Variants in MTHFSD observed in about 807,000 individuals in gnomAD.
MTHFSD encodes methenyltetrahydrofolate synthase domain-containing protein.
In MTHFSD, 37 loss-of-function variants were observed where a neutral mutation model predicts 31.1. The observed-to-expected ratio is 1.19, with a 90% CI of 0.91 to 1.56. The LOEUF (loss-of-function observed/expected upper bound fraction) is 1.56. MTHFSD is among the 40% of genes most tolerant of loss of function. The pLI, the probability that MTHFSD is intolerant of heterozygous loss-of-function variation, is 0.00. For synonymous variants in MTHFSD, 221 were observed against 206.9 expected, an observed-to-expected ratio of 1.07 and a Z score of -0.59; for missense variants, 664 against 510.1, an observed-to-expected ratio of 1.30 and a Z score of -2.91.
In MTHFSD at chr16:86,533,582, A is replaced by G. The variant is rs184868398; in HGVS notation, c.682-1101T>C. On this transcript the variant is annotated intron_variant, in intron 7 of 7. Coordinates refer to ENST00000360900, the MANE Select transcript of MTHFSD (RefSeq NM_001159377.2). Reference sequence around the variant, plus strand: ...TTGTTCTACAAGATGAAATAGTTCAACTAGTATCAATGCTCTCATTACATT... The same window carrying G: ...TTGTTCTACAAGATGAAATAGTTCAGCTAGTATCAATGCTCTCATTACATT... The G allele has an allele frequency of 9.8e-5, 15 of 152,336 alleles. No homozygotes were observed. The East Asian group carries it at 2.7e-3, about 27-fold the overall frequency. 9.4% of individuals were successfully genotyped at this position (152,336 alleles called of 1,614,324 possible).
chr16:86,543,085 T>C lies in MTHFSD; in HGVS notation c.443-872A>G, dbSNP rs906845925. 4.6e-5 allele frequency among the ~76,000 whole-genome samples: 7 copies of C among 152,128 alleles called. No individual in the cohort carries two copies. The South Asian group carries it at 1.2e-3, about 27-fold the overall frequency. ...ATGCAGAGAAACAAGAGAAAGAAAA[T>C]TCAACAGAAAAATAGCAAAGGATAT... On this transcript the variant is annotated intron_variant, in intron 5 of 7. Transcript: ENST00000360900.
chr16:86,546,209 A>G (rs1972280404), intron 5 of MTHFSD, among the ~76,000 whole-genome samples: 1 of 152,248 alleles, frequency 6.6e-6, no homozygotes, highest in African/African-American at 2.4e-5. Flanking sequence ...CTGTTTTTCC[A>G]TTTGCTGGAG....
rs546449725 is a variant in MTHFSD, at chr16:86,542,595, T to C, written c.443-382A>G. 5.3e-4 allele frequency: 102 copies of C among 192,668 alleles called. No homozygotes were observed. The highest frequency in any genetic ancestry group is 2.3e-3 in the African/African-American group (99 of 42,326). 11.9% of individuals were successfully genotyped at this position (192,668 alleles called of 1,614,324 possible). ...ACAAATTCCCACTGAAAGCAAAACA[T>C]GTTTAATCAACTTACCTCGGAGGGA... On this transcript the variant is annotated intron_variant, in intron 5 of 7. Coordinates refer to ENST00000360900, the MANE Select transcript of MTHFSD (RefSeq NM_001159377.2). The surrounding 1 kb of genome is among the most constrained non-coding windows in gnomAD (Gnocchi z 4.6).
chr16:86,533,772 G>A (rs1301609845), intron 7 of MTHFSD: 2 of 152,154 alleles, frequency 1.3e-5, no homozygotes, highest in East Asian at 3.9e-4. Flanking sequence ...ACTACAAGAA[G>A]TACACAGGCC....
chr16:86,542,865 C>T lies in MTHFSD; in HGVS notation c.443-652G>A, dbSNP rs1434364868. 1.3e-5 allele frequency among the ~76,000 whole-genome samples: 2 copies of T among 152,206 alleles called. No individual in the cohort carries two copies. On this transcript the variant is annotated intron_variant, in intron 5 of 7. Transcript: ENST00000360900. The surrounding 1 kb of genome is among the most constrained non-coding windows in gnomAD (Gnocchi z 4.6). ...ATTCAGAGACAAAAATGCAGGAAGA[C>T]AGGATACATCAAATGCCTTCTGGCC...
At chr16:86,543,243 G>A (rs1053064440) in intron 5 of MTHFSD, among the ~76,000 whole-genome samples, 3 of 152,202 alleles carry the variant, frequency 2.0e-5, no homozygotes, top group African/African-American at 7.2e-5. Flanking sequence ...CAAAGTCAAA[G>A]CTGGCTCACT....
Position 86,541,711 on chromosome 16 carries a change from T to C in MTHFSD, c.667A>G (p.Ile223Val). ...TGCKRPKPMG[I>V]TWFKISLEMM... Reference sequence around the variant, plus strand: ...CCGTGACCCACCTTGAACCAGGTGATTCCCATTGGCTTTGGGCGCTTGCAG... The same window carrying C: ...CCGTGACCCACCTTGAACCAGGTGACTCCCATTGGCTTTGGGCGCTTGCAG... Residue 223 changes from isoleucine to valine, a missense_variant, in exon 7 of 8, where the codon ATC becomes GTC. Ile to Val is a conservative substitution (Grantham distance 29, BLOSUM62 3). Coordinates refer to ENST00000360900, the MANE Select transcript of MTHFSD (RefSeq NM_001159377.2). The C allele has an allele frequency of 1.2e-6, 2 of 1,613,600 alleles. No individual in the cohort carries two copies. Among genetic ancestry groups the C allele is most frequent in the Non-Finnish European group, 8.5e-7 (1 of 1,179,828 alleles).
intron 3 of MTHFSD, among the ~76,000 whole-genome samples, chr16:86,549,770 G>A (rs983746691): frequency 6.6e-6 from 1 of 152,270 alleles, no homozygotes; most frequent in African/African-American, 2.4e-5. Flanking sequence ...GCCAGAGCTG[G>A]CAAGTGGCAC....
At chr16:86,552,190 A>T in intron 2 of MTHFSD, 44 bp from the exon 3 acceptor site, 1 of 1,614,062 alleles carries the variant, frequency 6.2e-7, no homozygotes. Flanking sequence ...TCAAGGACGA[A>T]GAAGCGAGCA....
In MTHFSD at chr16:86,548,535, C is replaced by G. The variant is rs908353988; in HGVS notation, c.280G>C (p.Gly94Arg). ...LLVPTPRLRT[G>R]LFNKITPPPG... ...GGTGGTGTGATCTTATTAAACAATC[C>G]CGTTCTCAGTCGTGGTGTTGGAACC... Residue 94 changes from glycine (G) to arginine (R), a missense_variant, in exon 4 of 8, where the codon GGA becomes CGA. Gly to Arg is a moderately radical substitution (Grantham distance 125). Transcript: ENST00000360900. The G allele has an allele frequency of 6.2e-7, 1 of 1,613,194 alleles. No individual in the cohort carries two copies. The highest frequency in any genetic ancestry group is 8.5e-7 in the Non-Finnish European group (1 of 1,179,786).
In MTHFSD at chr16:86,541,689, T is replaced by A. The variant is rs776789461; in HGVS notation, c.681+8A>T. Reference sequence around the variant, plus strand: ...TACAGGCCAGAGCTGGCCACTGCCGTGACCCACCTTGAACCAGGTGATTCC... The same window carrying A: ...TACAGGCCAGAGCTGGCCACTGCCGAGACCCACCTTGAACCAGGTGATTCC... On this transcript the variant is annotated splice_region_variant and intron_variant, in intron 7 of 7. Transcript: ENST00000360900. The A allele has an allele frequency of 6.2e-7, 1 of 1,611,900 alleles. No individual in the cohort carries two copies. Among genetic ancestry groups the A allele is most frequent in the South Asian group, 1.1e-5 (1 of 90,360 alleles).
At chr16:86,554,989 C>CAG in intron 1 of MTHFSD, 180 bp downstream of exon 1, 1 of 1,359,390 alleles carries the variant, frequency 7.4e-7, no homozygotes, top group East Asian at 2.5e-5. Flanking sequence ...TCTCGGGATT[C>CAG]CGGGCGAGAG....
intron 2 of MTHFSD, among the ~76,000 whole-genome samples, chr16:86,552,529 T>C (rs1312474672): frequency 2.6e-5 from 4 of 152,164 alleles, no homozygotes; most frequent in African/African-American, 9.7e-5. Context: ...AGGGCAAAAT[T>C]TGATGATTTT....
At chr16:86,536,591 G>A (rs8055568) in intron 7 of MTHFSD, among the ~76,000 whole-genome samples, 1,769 of 152,354 alleles carry the variant, frequency 0.012, 40 homozygotes, top group African/African-American at 0.041. Flanking sequence ...CGCTGCGTTC[G>A]ACTGTACCCC....
intron 3 of MTHFSD, among the ~76,000 whole-genome samples, chr16:86,549,185 C>T (rs1597373526): frequency 6.6e-6 from 1 of 152,252 alleles, no homozygotes; most frequent in African/African-American, 2.4e-5. Flanking sequence ...TGGGCCAGCG[C>T]ATCAGCGCTC....
chr16:86,531,112 A>T lies in MTHFSD; in HGVS notation c.*899T>A, dbSNP rs1567520351. ...GCTAAAAAATCAAAATTTCCAAAGC[A>T]TATACATTTGAAAAAAACAAAATCT... On this transcript the variant is annotated 3_prime_UTR_variant, in exon 8 of 8. Transcript: ENST00000360900. This position sits in a 1 kb window ranked among gnomAD's most constrained non-coding sequence, Gnocchi z 5.5. The T allele has an allele frequency of 6.6e-6, 1 of 152,242 alleles. No individual in the cohort carries two copies. The highest frequency in any genetic ancestry group is 1.9e-4 in the East Asian group (1 of 5,200). 9.4% of individuals were successfully genotyped at this position (152,242 alleles called of 1,614,324 possible).
intron 4 of MTHFSD, chr16:86,547,338 G>C (rs1242150042): frequency 1.0e-6 from 1 of 985,550 alleles, no homozygotes; most frequent in Non-Finnish European, 1.2e-6. Flanking sequence ...GTTTATGTAA[G>C]ACTCAGGAAA....
At chr16:86,540,573 C>CT (rs1971358399) in intron 7 of MTHFSD, 1 of 680,872 alleles carries the variant, frequency 1.5e-6, no homozygotes, top group African/African-American at 2.0e-5. Flanking sequence ...TTCGCTGTGG[C>CT]TAATGCCCTT....
At chr16:86,534,483 A>C (rs1970406139) in intron 7 of MTHFSD, among the ~76,000 whole-genome samples, 1 of 152,184 alleles carries the variant, frequency 6.6e-6, no homozygotes, top group African/African-American at 2.4e-5. Context: ...GTGCTACTGG[A>C]CACAGATGGG....
Sources: allele counts gnomAD v4.1 joint callset (sites outside exome capture counted in the v4.1 genomes callset), GRCh38; gene constraint gnomAD v4.1.1; non-coding constraint Gnocchi (gnomAD v3.1); transcripts MANE v1.5; gene names NCBI Gene and HGNC (gene_info 2026-07-23, HGNC 2026-07-21).